The following GNAQ variants were observed in gnomAD, a reference collection of about 807,000 sequenced individuals.
GNAQ encodes the protein G protein subunit alpha q, also known as guanine nucleotide-binding protein G(q) subunit alpha.
GNAQ carries 8 observed loss-of-function variants against 43.9 expected under a neutral mutation model. The observed-to-expected ratio is 0.18, with a 90% CI of 0.11 to 0.33. The LOEUF (loss-of-function observed/expected upper bound fraction) is 0.33, where lower values mean the gene tolerates loss of function less well. Among genes scored for constraint, GNAQ ranks in the 10% least tolerant of loss-of-function variants. GNAQ has a pLI of 1.00. For synonymous variants in GNAQ, 155 were observed against 170.7 expected, an observed-to-expected ratio of 0.91 and a Z score of 0.71; for missense variants, 158 against 450.8, an observed-to-expected ratio of 0.35 and a Z score of 5.88.
intron 2 of GNAQ, among the ~76,000 whole-genome samples, chr9:77,861,741 G>A (rs903586078): frequency 6.6e-6 from 1 of 152,114 alleles, no homozygotes; most frequent in African/African-American, 2.4e-5. Context: ...GGTGGCTCAC[G>A]CCTATAATCC....
intron 1 of GNAQ, among the ~76,000 whole-genome samples, chr9:77,996,674 T>A (rs1273702025): frequency 1.4e-5 from 1 of 69,958 alleles, no homozygotes; most frequent in East Asian, 3.2e-4. Flanking sequence ...CGAGACTCCA[T>A]CTCAAAAAAA....
chr9:77,839,235 G>C (rs1302664093), intron 2 of GNAQ, among the ~76,000 whole-genome samples: 1 of 152,198 alleles, frequency 6.6e-6, no homozygotes, highest in Non-Finnish European at 1.5e-5. Context: ...CTAGAAGTTA[G>C]ACTTGACTGA....
At chr9:78,012,909 A>G (rs1447407069) in intron 1 of GNAQ, among the ~76,000 whole-genome samples, 1 of 152,238 alleles carries the variant, frequency 6.6e-6, no homozygotes, top group Non-Finnish European at 1.5e-5. Context: ...GAAATTTGAG[A>G]AACTACTACA....
intron 2 of GNAQ, among the ~76,000 whole-genome samples, chr9:77,877,053 A>T (rs1828137223): frequency 6.6e-6 from 1 of 152,018 alleles, no homozygotes; most frequent in Non-Finnish European, 1.5e-5. Flanking sequence ...TAGCCAAAAA[A>T]CTCATATTTG....
At chr9:77,846,357 C>T (rs1357120796) in intron 2 of GNAQ, among the ~76,000 whole-genome samples, 1 of 152,198 alleles carries the variant, frequency 6.6e-6, no homozygotes, top group Non-Finnish European at 1.5e-5. Context: ...ATCAATTCCT[C>T]ACCCTGCCTG....
chr9:77,762,306 C>G (rs542644888), intron 5 of GNAQ, among the ~76,000 whole-genome samples: 1 of 144,426 alleles, frequency 6.9e-6, no homozygotes, highest in East Asian at 2.2e-4. Context: ...GTGGGGGGGT[C>G]AGCCCCCCGC....
intron 1 of GNAQ, among the ~76,000 whole-genome samples, chr9:77,972,632 G>A (rs887598042): frequency 2.6e-5 from 4 of 151,986 alleles, no homozygotes; most frequent in South Asian, 2.1e-4. Flanking sequence ...AACAGGAAAC[G>A]TAGGACCCAT....
At chr9:77,725,439 G>A (rs912390431) in intron 6 of GNAQ, among the ~76,000 whole-genome samples, 1 of 152,036 alleles carries the variant, frequency 6.6e-6, no homozygotes, top group African/African-American at 2.4e-5. Context: ...TTTTTTCAGT[G>A]TTTGCTCATC....
intron 2 of GNAQ, among the ~76,000 whole-genome samples, chr9:77,909,289 A>C (rs1828760529): frequency 6.6e-6 from 1 of 152,216 alleles, no homozygotes. Context: ...TAATACAATC[A>C]AACAGCTACA....
chr9:77,750,028 C>T (rs1343295295), intron 5 of GNAQ, among the ~76,000 whole-genome samples: 1 of 152,056 alleles, frequency 6.6e-6, no homozygotes, highest in Non-Finnish European at 1.5e-5. Context: ...TAAAAAGTCT[C>T]TGTGGCCAAA....
intron 2 of GNAQ, among the ~76,000 whole-genome samples, chr9:77,850,726 C>T (rs1467222659): frequency 1.3e-5 from 2 of 152,224 alleles, no homozygotes; most frequent in African/African-American, 4.8e-5. Context: ...GATGTCCACA[C>T]TTTCTCTCTT....
At chr9:77,858,587 ACC>A (rs1827795749) in intron 2 of GNAQ, among the ~76,000 whole-genome samples, 2 of 151,168 alleles carry the variant, frequency 1.3e-5, no homozygotes, top group Non-Finnish European at 2.9e-5. Context: ...CTCAGTCTTC[ACC>A]CTCCTCTGTA....
chr9:77,796,808 C>T (rs935543423), intron 4 of GNAQ, among the ~76,000 whole-genome samples: 2 of 152,148 alleles, frequency 1.3e-5, no homozygotes, highest in African/African-American at 4.8e-5. Context: ...AAACTTCTGA[C>T]ACTACTTAAT....
chr9:77,734,026 A>C (rs183484447), intron 5 of GNAQ, among the ~76,000 whole-genome samples: 2 of 152,214 alleles, frequency 1.3e-5, no homozygotes, highest in Admixed American at 6.5e-5. Flanking sequence ...AAATCTCCGC[A>C]TAACAATTAC....
intron 1 of GNAQ, among the ~76,000 whole-genome samples, chr9:77,934,848 C>G (rs1428966949): frequency 1.3e-5 from 2 of 152,128 alleles, no homozygotes; most frequent in Non-Finnish European, 2.9e-5. Context: ...AAATTAGGGC[C>G]GGGTGCGGTG....
chr9:77,745,223 C>T (rs903168101), intron 5 of GNAQ, among the ~76,000 whole-genome samples: 1 of 152,146 alleles, frequency 6.6e-6, no homozygotes. Context: ...CAGCTGGGTT[C>T]TGCCATCTTT....
intron 1 of GNAQ, among the ~76,000 whole-genome samples, chr9:77,926,786 C>T (rs1829078397): frequency 6.6e-6 from 1 of 152,272 alleles, no homozygotes; most frequent in South Asian, 2.1e-4. Context: ...AAGTACTCTG[C>T]CTTTTCTTAT....
chr9:78,005,272 T>C (rs1002438881), intron 1 of GNAQ, among the ~76,000 whole-genome samples: 3 of 152,310 alleles, frequency 2.0e-5, no homozygotes, highest in South Asian at 2.1e-4. Context: ...CTTGAACTCC[T>C]GGGCTCAAGC....
intron 2 of GNAQ, among the ~76,000 whole-genome samples, chr9:77,897,968 A>G (rs924405808): frequency 3.3e-5 from 5 of 151,922 alleles, no homozygotes; most frequent in Admixed American, 3.3e-4. Flanking sequence ...AAAGCAATGC[A>G]AGAAATCCTT....
Sources: allele counts gnomAD v4.1 joint callset (sites outside exome capture counted in the v4.1 genomes callset), GRCh38; gene constraint gnomAD v4.1.1; transcripts MANE v1.5; gene names NCBI Gene and HGNC (gene_info 2026-07-23, HGNC 2026-07-21).